Variants in PUDP observed in about 807,000 individuals in gnomAD.
PUDP encodes pseudouridine-5'-phosphatase.
In PUDP, 8 loss-of-function variants were observed where a neutral mutation model predicts 9.4. That is an observed-to-expected ratio of 0.85 (90% CI 0.50 to 1.53). The LOEUF (loss-of-function observed/expected upper bound fraction) is 1.53. PUDP is among the 40% of genes most tolerant of loss of function. The probability of loss-of-function intolerance (pLI) is 0.00; values close to 1 mark genes in which losing one functional copy is unlikely to be tolerated. For missense variants in PUDP, 188 were observed against 189.7 expected (o/e 0.99, Z 0.05); for synonymous variants, 99 against 80.7 (o/e 1.23, Z -1.22).
chrX:6,972,642 C>A (rs1928894113), intron 3 of PUDP, among the ~76,000 whole-genome samples: 1 of 112,171 alleles, frequency 8.9e-6, no homozygotes. Context: ...CATCGATGTT[C>A]ATCAGGGGTA....
chrX:6,928,026 C>T (rs1310444961), intron 3 of PUDP, among the ~76,000 whole-genome samples: 2 of 105,613 alleles, frequency 1.9e-5, no homozygotes, highest in East Asian at 3.0e-4. Context: ...ATGATTTCGG[C>T]TCACTTCAAG....
At position 6,838,521 on chromosome X, in the gene PUDP, C is replaced by T. The variant is rs987272847; in HGVS notation, c.*248-132055G>A. ...ATACATATTTTTGAATAATTTTCTA[C>T]GTGCTTCTAAAACCTTCAACTCCCC... On this transcript the variant is annotated intron_variant and NMD_transcript_variant, in intron 3 of 3. Transcript: ENST00000655425. Among the ~76,000 whole-genome samples the T allele has an allele frequency of 3.6e-5, 4 of 112,393 alleles. No homozygotes were observed. The South Asian group carries it at 1.1e-3, about 31-fold the overall frequency.
chrX:6,723,008 C>T (rs182945749), upstream of PUDP, among the ~76,000 whole-genome samples: 2 of 110,745 alleles, frequency 1.8e-5, no homozygotes, highest in African/African-American at 6.6e-5. Context: ...AGTAAAGTTG[C>T]AAATGTACCT....
chrX:6,808,583 C>A (rs1485956585), intron 3 of PUDP, among the ~76,000 whole-genome samples: 2 of 111,384 alleles, frequency 1.8e-5, no homozygotes, highest in African/African-American at 3.3e-5. Flanking sequence ...TTTCCCTTCT[C>A]CTTGAATTAC....
intron 3 of PUDP, among the ~76,000 whole-genome samples, chrX:6,876,673 T>TG (rs753716573): frequency 1.5e-4 from 10 of 66,532 alleles, no homozygotes; most frequent in Non-Finnish European, 2.9e-4. Flanking sequence ...GTGTGTGTGT[T>TG]TGTGTACACA....
intron 3 of PUDP, among the ~76,000 whole-genome samples, chrX:6,855,634 G>A (rs1249726589): frequency 8.9e-6 from 1 of 112,040 alleles, no homozygotes; most frequent in Non-Finnish European, 1.9e-5. Flanking sequence ...TTTAAAAAAT[G>A]TAGTCGGGGG....
At chrX:6,915,150 G>T (rs944636846) in intron 3 of PUDP, among the ~76,000 whole-genome samples, 1 of 111,988 alleles carries the variant, frequency 8.9e-6, no homozygotes, top group Non-Finnish European at 1.9e-5. Flanking sequence ...TCTTTTTGAA[G>T]GGCTGCTTTG....
chrX:7,047,412 A>G (rs1329245738), downstream of PUDP, among the ~76,000 whole-genome samples: 1 of 112,536 alleles, frequency 8.9e-6, no homozygotes, highest in Non-Finnish European at 1.9e-5. Flanking sequence ...CCATGGAAAT[A>G]TTGTGTGGCT....
At chrX:6,751,177 GAA>G (rs1188946512) in intron 3 of PUDP, among the ~76,000 whole-genome samples, 1 of 108,124 alleles carries the variant, frequency 9.2e-6, no homozygotes, top group African/African-American at 3.4e-5. Flanking sequence ...AAGAAAGAAA[GAA>G]AAAAAGAAAG....
At chrX:6,956,347 C>A (rs1928627389) in intron 3 of PUDP, among the ~76,000 whole-genome samples, 1 of 110,301 alleles carries the variant, frequency 9.1e-6, no homozygotes, top group Admixed American at 9.7e-5. Context: ...GTTAAGTATG[C>A]ATCTTCAGTG....
chrX:7,078,284 G>A (rs751011761), intron 2 of PUDP, among the ~76,000 whole-genome samples: 2 of 112,214 alleles, frequency 1.8e-5, no homozygotes, highest in Admixed American at 9.4e-5. Flanking sequence ...AAGGTGTGAC[G>A]GTTTGCCTAA....
intron 3 of PUDP, among the ~76,000 whole-genome samples, chrX:7,052,096 G>A (rs1302036335): frequency 9.2e-6 from 1 of 108,140 alleles, no homozygotes; most frequent in Admixed American, 9.9e-5. Flanking sequence ...GCAGTGGTGC[G>A]ATCTTGGCTC....
intron 3 of PUDP, among the ~76,000 whole-genome samples, chrX:7,065,722 G>C (rs1930532596): frequency 8.9e-6 from 1 of 111,984 alleles, no homozygotes; most frequent in Non-Finnish European, 1.9e-5. Context: ...GAGTTCACGG[G>C]CTTTATTGCA....
At chrX:6,790,852 T>C (rs902699486) in intron 3 of PUDP, among the ~76,000 whole-genome samples, 2 of 112,210 alleles carry the variant, frequency 1.8e-5, no homozygotes, top group African/African-American at 3.2e-5. Flanking sequence ...GTTACACACA[T>C]GTGAGCATTT....
chrX:7,070,418 C>G (rs925676995), intron 3 of PUDP, among the ~76,000 whole-genome samples: 1 of 110,636 alleles, frequency 9.0e-6, no homozygotes, highest in Non-Finnish European at 1.9e-5. Flanking sequence ...CTGAGGCCCA[C>G]AGAGGGTGGC....
chrX:6,791,751 C>T (rs1569099415), intron 3 of PUDP, among the ~76,000 whole-genome samples: 1 of 111,910 alleles, frequency 8.9e-6, no homozygotes, highest in East Asian at 2.8e-4. Context: ...ATTCAGACTT[C>T]CAGGACTGTA....
chrX:6,928,723 G>A (rs573067377), intron 3 of PUDP, among the ~76,000 whole-genome samples: 2 of 110,598 alleles, frequency 1.8e-5, no homozygotes, highest in African/African-American at 6.6e-5. Flanking sequence ...GGTGAGACCC[G>A]GTCTCTACCA....
Position 7,049,412 on chromosome X carries a change from A to G in PUDP, c.*884T>C, listed in dbSNP as rs1225378658. The stretch of plus-strand genomic sequence containing the variant: ...CATTCTGAAATCAAATTCTATTTCT[A>G]TCCAAAAAGTGCAGCCCATCAGTGT... On this transcript the variant is annotated 3_prime_UTR_variant, in exon 4 of 4. Coordinates refer to ENST00000381077, the MANE Select transcript of PUDP (RefSeq NM_012080.5). 3 of 112,845 alleles carry G rather than the reference A, an allele frequency of 2.7e-5. No homozygotes were observed. Among genetic ancestry groups the G allele is most frequent in the Non-Finnish European group, 3.7e-5 (2 of 53,368 alleles). The allele number at this position is 112,845 out of a possible 1,213,427, so 9.3% of individuals were successfully genotyped here. A position where few individuals can be genotyped will look rare whatever the true frequency, so the allele number is the denominator to read the frequency against.
chrX:7,050,458 T>C lies in PUDP; in HGVS notation c.525A>G (p.Glu175=). ...CCGCCTCCACCCCATTGGGAGCATC[T>C]TCAAAGACAAGGCACTGTAGGAAGA... ...PPAMEKCLVF[E]DAPNGVEAAL... is the part of the protein sequence containing the mutation. The change falls in exon 4 of 4, where the codon GAA becomes GAG. Residue 175 remains glutamate (E), a synonymous_variant. Coordinates refer to ENST00000381077, the MANE Select transcript of PUDP (RefSeq NM_012080.5). 8.3e-7 allele frequency: 1 copy of C among 1,210,590 alleles called. No individual in the cohort carries two copies. Among genetic ancestry groups the C allele is most frequent in the African/African-American group, 1.7e-5 (1 of 57,860 alleles).
Sources: gnomAD v4.1 joint callset for allele counts (sites outside exome capture counted in the v4.1 genomes callset) on GRCh38, gnomAD v4.1.1 for gene constraint, MANE v1.5 for transcripts, NCBI Gene and HGNC (gene_info 2026-07-23, HGNC 2026-07-21) for gene names.